Variants in VSTM2A observed in about 807,000 individuals in gnomAD.
The protein encoded by VSTM2A is V-set and transmembrane domain-containing protein 2A.
VSTM2A carries 13 observed loss-of-function variants against 27.3 expected under a neutral mutation model. The observed-to-expected ratio is 0.48, with a 90% CI of 0.31 to 0.76. VSTM2A has a LOEUF of 0.76. VSTM2A is among the 30% of genes least tolerant of loss of function. The pLI is 0.05. For synonymous variants in VSTM2A, 142 were observed against 125.7 expected, an observed-to-expected ratio of 1.13 and a Z score of -0.87; for missense variants, 280 against 310.0, an observed-to-expected ratio of 0.90 and a Z score of 0.73.
Position 54,544,779 on chromosome 7 carries a change from C to G in VSTM2A, c.237C>G (p.Ala79=). 1 of 1,606,926 alleles carries G rather than the reference C, an allele frequency of 6.2e-7. No homozygotes were observed. Among genetic ancestry groups the G allele is most frequent in the Non-Finnish European group, 8.5e-7 (1 of 1,177,196 alleles). The part of the protein sequence containing the change: ...PEDLDPGAEG[A]GAQVELLPDR... ...ACCTGGATCCCGGGGCCGAGGGGGC[C>G]GGCGCGCAGGTAGCGGAGCCCGCCG... Residue 79 remains alanine, a synonymous_variant, in exon 2 of 5, where the codon GCC becomes GCG. Coordinates refer to ENST00000402613, the MANE Select transcript of VSTM2A (RefSeq NM_001301009.2).
intron 4 of VSTM2A, among the ~76,000 whole-genome samples, chr7:54,565,719 C>T (rs1380189678): frequency 6.6e-6 from 1 of 152,252 alleles, no homozygotes; most frequent in Non-Finnish European, 1.5e-5. Context: ...GACTGCGAGG[C>T]TGCCAAGGTC....
At chr7:54,560,809 CACAG>C (rs996669099) in intron 4 of VSTM2A, among the ~76,000 whole-genome samples, 9 of 152,100 alleles carry the variant, frequency 5.9e-5, no homozygotes, top group South Asian at 2.1e-4. Flanking sequence ...TTATTATCTT[CACAG>C]ACAAACATTT....
chr7:54,556,125 G>A (rs1788348939), intron 4 of VSTM2A, among the ~76,000 whole-genome samples: 1 of 152,116 alleles, frequency 6.6e-6, no homozygotes, highest in African/African-American at 2.4e-5. Flanking sequence ...TAGAGGCTCT[G>A]TTCTGTTGCT....
intron 4 of VSTM2A, among the ~76,000 whole-genome samples, chr7:54,564,915 C>T (rs1788674221): frequency 6.6e-6 from 1 of 152,124 alleles, no homozygotes; most frequent in Non-Finnish European, 1.5e-5. Context: ...AGAAGCTTTA[C>T]ATTTTATTAA....
At chr7:54,546,652 G>A (rs1787996370) in intron 2 of VSTM2A, 2 of 311,676 alleles carry the variant, frequency 6.4e-6, no homozygotes, top group South Asian at 1.9e-4. Context: ...CGCCTCCAGA[G>A]CGCAGCATCC....
At chr7:54,553,978 C>T (rs903409682) in intron 4 of VSTM2A, 10 of 1,552,880 alleles carry the variant, frequency 6.4e-6, no homozygotes, top group East Asian at 2.4e-5. Context: ...ACCTTCCCAA[C>T]GTCACACAGA....
At chr7:54,562,234 A>T (rs1438141483) in intron 4 of VSTM2A, among the ~76,000 whole-genome samples, 2 of 152,124 alleles carry the variant, frequency 1.3e-5, no homozygotes, top group African/African-American at 4.8e-5. Flanking sequence ...TAGTTTTTAT[A>T]TTTATAAATC....
chr7:54,551,478 GA>G (rs1388568851), intron 4 of VSTM2A: 2 of 152,122 alleles, frequency 1.3e-5, no homozygotes, highest in Non-Finnish European at 2.9e-5. Flanking sequence ...CTGATGAACA[GA>G]TGGCTTAGCC....
chr7:54,561,701 A>G (rs571468895), intron 4 of VSTM2A, among the ~76,000 whole-genome samples: 31 of 152,324 alleles, frequency 2.0e-4, no homozygotes, highest in African/African-American at 7.2e-4. Context: ...TAATTAAGAA[A>G]ACTTGAAATA....
chr7:54,549,939 G>A lies in VSTM2A; in HGVS notation c.403G>A (p.Gly135Arg), dbSNP rs747541249. Reference protein sequence around the residue: ...YECRVTDANYGELQEHKAQAY... With the variant: ...YECRVTDANYRELQEHKAQAY... ...GTGCAGGGTGACTGATGCCAACTAC[G>A]GGGAGCTTCAGGAACACAAGGCCCA... The change falls in exon 4 of 5, where the codon GGG becomes AGG. Residue 135 changes from glycine (G) to arginine (R), a missense_variant. Transcript: ENST00000402613. 1.5e-5 allele frequency: 24 copies of A among 1,613,596 alleles called. No homozygotes were observed. Among genetic ancestry groups the A allele is most frequent in the Admixed American group, 1.0e-4 (6 of 59,958 alleles).
At chr7:54,568,504 CACTA>C (rs1219865599) in intron 4 of VSTM2A, among the ~76,000 whole-genome samples, 1 of 151,680 alleles carries the variant, frequency 6.6e-6, no homozygotes, top group Admixed American at 6.6e-5. Flanking sequence ...TTCTTGATAG[CACTA>C]ACTTTCTCCA....
chr7:54,564,469 C>T (rs545901848), intron 4 of VSTM2A, among the ~76,000 whole-genome samples: 46 of 152,264 alleles, frequency 3.0e-4, no homozygotes, highest in Admixed American at 2.4e-3. Flanking sequence ...CTTGTATTTA[C>T]ACAGGAAATT....
chr7:54,567,777 A>G (rs1182154117), intron 4 of VSTM2A, among the ~76,000 whole-genome samples: 1 of 149,366 alleles, frequency 6.7e-6, no homozygotes, highest in South Asian at 2.1e-4. Context: ...TTTTTTTTTC[A>G]TTAAATGAAT....
At chr7:54,566,086 A>G (rs1342602306) in intron 4 of VSTM2A, among the ~76,000 whole-genome samples, 3 of 152,226 alleles carry the variant, frequency 2.0e-5, no homozygotes, top group Admixed American at 1.3e-4. Flanking sequence ...TCGCAAGAGC[A>G]CTATGAAAAT....
chr7:54,549,101 T>C (rs1440299319), intron 3 of VSTM2A, among the ~76,000 whole-genome samples: 1 of 151,676 alleles, frequency 6.6e-6, no homozygotes, highest in Non-Finnish European at 1.5e-5. Flanking sequence ...TAAAACTTAT[T>C]AGAAGAAATA....
chr7:54,568,053 T>G (rs1484132821), intron 4 of VSTM2A, among the ~76,000 whole-genome samples: 3 of 152,226 alleles, frequency 2.0e-5, no homozygotes, highest in Non-Finnish European at 4.4e-5. Flanking sequence ...TGTATACTGG[T>G]AAATATATAG....
chr7:54,563,063 G>T (rs927125233), intron 4 of VSTM2A, among the ~76,000 whole-genome samples: 1 of 152,048 alleles, frequency 6.6e-6, no homozygotes, highest in South Asian at 2.1e-4. Context: ...TTAGAATTTC[G>T]TTCTTGGAAA....
At chr7:54,560,387 G>A (rs765875852) in intron 4 of VSTM2A, among the ~76,000 whole-genome samples, 2 of 152,108 alleles carry the variant, frequency 1.3e-5, no homozygotes, top group African/African-American at 4.8e-5. Flanking sequence ...GCAAATAGGT[G>A]TGATCTTGAT....
intron 4 of VSTM2A, chr7:54,560,105 CAT>C (rs1367094491): frequency 6.6e-6 from 1 of 151,816 alleles, no homozygotes; most frequent in Non-Finnish European, 1.5e-5. Flanking sequence ...ACAGTTGTCT[CAT>C]GAGAGAGAAA....
Sources: allele counts gnomAD v4.1 joint callset (sites outside exome capture counted in the v4.1 genomes callset), GRCh38; gene constraint gnomAD v4.1.1; transcripts MANE v1.5; gene names NCBI Gene and HGNC (gene_info 2026-07-23, HGNC 2026-07-21).